G2E3: variants seen among roughly 807,000 people sequenced by gnomAD.
The protein encoded by G2E3 is G2/M-phase specific E3 ubiquitin protein ligase.
In G2E3, 35 loss-of-function variants were observed where a neutral mutation model predicts 92.8. That is an observed-to-expected ratio of 0.38 (90% CI 0.29 to 0.50). The LOEUF (loss-of-function observed/expected upper bound fraction) is 0.50, where lower values mean the gene tolerates loss of function less well. G2E3 is among the 20% of genes least tolerant of loss of function. The pLI, the probability that G2E3 is intolerant of heterozygous loss-of-function variation, is 0.94. For synonymous variants in G2E3, 242 were observed against 272.4 expected (o/e 0.89, Z 1.10); for missense variants, 554 against 823.8 (o/e 0.67, Z 4.01).
intron 12 of G2E3, chr14:30,611,419 G>A (rs1882081106): frequency 6.6e-6 from 1 of 152,190 alleles, no homozygotes; most frequent in African/African-American, 2.4e-5. Context: ...GAAATTGCAA[G>A]TAAATTTTCT....
chr14:30,579,243 A>C (rs1880292892), intron 1 of G2E3, among the ~76,000 whole-genome samples: 1 of 152,174 alleles, frequency 6.6e-6, no homozygotes, highest in African/African-American at 2.4e-5. Context: ...GCTAGGAAAA[A>C]TAGTACTCTA....
At chr14:30,589,322 AT>A in intron 3 of G2E3, 60 bp from the exon 4 acceptor site, 7 of 944,420 alleles carry the variant, frequency 7.4e-6, no homozygotes, top group South Asian at 1.4e-5. Flanking sequence ...ATGGATATAT[AT>A]TTTTTTAATG....
intron 1 of G2E3, among the ~76,000 whole-genome samples, chr14:30,561,818 G>A (rs60350877): frequency 1.3e-5 from 2 of 149,558 alleles, no homozygotes; most frequent in African/African-American, 4.9e-5. Context: ...AACACATTTT[G>A]TCTTGGGTTA....
intron 1 of G2E3, among the ~76,000 whole-genome samples, chr14:30,580,432 C>G (rs888144875): frequency 4.6e-5 from 7 of 152,146 alleles, no homozygotes; most frequent in African/African-American, 9.7e-5. Flanking sequence ...TCTCGAACTC[C>G]TGACCTCAGG....
At chr14:30,581,927 T>G (rs1402636804) in intron 2 of G2E3, among the ~76,000 whole-genome samples, 1 of 152,228 alleles carries the variant, frequency 6.6e-6, no homozygotes, top group Non-Finnish European at 1.5e-5. Context: ...TAGATCCTTT[T>G]AAATTCACTC....
intron 8 of G2E3, 98 bp downstream of exon 8, chr14:30,598,697 GGATGTTAGA>G: frequency 1.2e-6 from 1 of 831,410 alleles, no homozygotes; most frequent in Non-Finnish European, 2.1e-6. Context: ...TTTTCTCTTA[GGATGTTAGA>G]AGTTTAAATT....
chr14:30,563,612 GT>G (rs1879247188), intron 1 of G2E3, among the ~76,000 whole-genome samples: 1 of 151,876 alleles, frequency 6.6e-6, no homozygotes, highest in Non-Finnish European at 1.5e-5. Context: ...GTAGGGTGGG[GT>G]GGGGTAGGGG....
rs759106299 is a variant in G2E3, at chr14:30,581,136, A to G, written c.37+20A>G. ...ACCTTGGTAAGTAACTGTATTTAAAATAATTTTATTACAATGAGTGTTTTA... is the reference window on the plus strand; with the variant it reads ...ACCTTGGTAAGTAACTGTATTTAAAGTAATTTTATTACAATGAGTGTTTTA... On this transcript the variant is annotated intron_variant, in intron 2 of 14. Transcript: ENST00000206595. 7.5e-7 allele frequency: 1 copy of G among 1,327,130 alleles called. No homozygotes were observed. Among genetic ancestry groups the G allele is most frequent in the East Asian group, 2.3e-5 (1 of 43,384 alleles). 82.2% of individuals were successfully genotyped at this position (1,327,130 alleles called of 1,614,324 possible).
chr14:30,596,131 T>TGC (rs1555339701), intron 6 of G2E3, among the ~76,000 whole-genome samples: 1 of 68,466 alleles, frequency 1.5e-5, no homozygotes, highest in Non-Finnish European at 2.8e-5. Context: ...GGTGGGTGGG[T>TGC]GTGCGTGTGT....
intron 1 of G2E3, chr14:30,574,453 A>C (rs1252803150): frequency 2.7e-5 from 4 of 148,180 alleles, no homozygotes; most frequent in African/African-American, 5.0e-5. Flanking sequence ...TTGGGGGTAC[A>C]TGTGAAGGTT....
Position 30,616,702 on chromosome 14 carries a change from A to AGGTT in G2E3, c.*169_*172dup, listed in dbSNP as rs1491177711. Reference sequence around the variant, plus strand: ...TATTATAGCCACTTAGGCTAAAAAAAGGTTTTTTTTGTTAAAGCATACTAG... The same window carrying AGGTT: ...TATTATAGCCACTTAGGCTAAAAAAAGGTTGGTTTTTTTTGTTAAAGCATACTAG... On this transcript the variant is annotated 3_prime_UTR_variant, in exon 15 of 15. Coordinates refer to ENST00000206595, the MANE Select transcript of G2E3 (RefSeq NM_017769.5). 9.4e-6 allele frequency: 5 copies of AGGTT among 530,468 alleles called. No individual in the cohort carries two copies. Among genetic ancestry groups the AGGTT allele is most frequent in the African/African-American group, 2.0e-5 (1 of 50,074 alleles). 32.9% of individuals were successfully genotyped at this position (530,468 alleles called of 1,614,324 possible). A position where few individuals can be genotyped will look rare whatever the true frequency, so the allele number is the denominator to read the frequency against.
At chr14:30,569,794 A>G (rs891900309) in intron 1 of G2E3, among the ~76,000 whole-genome samples, 5 of 152,206 alleles carry the variant, frequency 3.3e-5, no homozygotes, top group African/African-American at 1.2e-4. Context: ...GGAGATTTAT[A>G]TAATCCAACC....
intron 1 of G2E3, among the ~76,000 whole-genome samples, chr14:30,579,581 C>T (rs984116778): frequency 2.0e-5 from 3 of 152,142 alleles, no homozygotes; most frequent in Non-Finnish European, 4.4e-5. Context: ...TTTGTGGTGT[C>T]TTAGATTTGA....
intron 10 of G2E3, 59 bp downstream of exon 10, chr14:30,602,190 A>T (rs2059325555): frequency 7.6e-7 from 1 of 1,318,432 alleles, no homozygotes; most frequent in Admixed American, 1.9e-5. Context: ...TTATGATAGG[A>T]AATGCCATAT....
intron 12 of G2E3, among the ~76,000 whole-genome samples, chr14:30,610,107 C>G (rs1882018096): frequency 6.6e-6 from 1 of 152,206 alleles, no homozygotes; most frequent in Admixed American, 6.5e-5. Flanking sequence ...CTTCACCTCT[C>G]TTCATGGCTT....
At chr14:30,568,680 A>G (rs1011712045) in intron 1 of G2E3, among the ~76,000 whole-genome samples, 1 of 152,142 alleles carries the variant, frequency 6.6e-6, no homozygotes, top group African/African-American at 2.4e-5. Context: ...ACACTTCTGT[A>G]TATCTCATCC....
At chr14:30,576,969 G>C (rs554776440) in intron 1 of G2E3, among the ~76,000 whole-genome samples, 8 of 152,252 alleles carry the variant, frequency 5.3e-5, no homozygotes, top group Non-Finnish European at 7.4e-5. Context: ...GCTCACACCT[G>C]TAATCCCAGC....
chr14:30,594,442 C>T (rs147313487), intron 6 of G2E3, among the ~76,000 whole-genome samples: 2 of 152,212 alleles, frequency 1.3e-5, no homozygotes, highest in African/African-American at 4.8e-5. Context: ...GTAATCCCAG[C>T]ACTTTGGGAG....
intron 1 of G2E3, among the ~76,000 whole-genome samples, chr14:30,561,984 A>G (rs1281809392): frequency 6.6e-6 from 1 of 152,144 alleles, no homozygotes; most frequent in Non-Finnish European, 1.5e-5. Context: ...CTCAGAGGAC[A>G]TTTCAAGTGG....
Sources: allele counts gnomAD v4.1 joint callset (sites outside exome capture counted in the v4.1 genomes callset), GRCh38; gene constraint gnomAD v4.1.1; transcripts MANE v1.5; gene names NCBI Gene and HGNC (gene_info 2026-07-23, HGNC 2026-07-21).